GABRB1: variants seen among roughly 807,000 people sequenced by gnomAD.
GABRB1 encodes the protein gamma-aminobutyric acid receptor subunit beta-1.
A neutral mutation model predicts 51.6 loss-of-function variants in GABRB1; 17 were observed. The observed-to-expected ratio is 0.33, with a 90% CI of 0.23 to 0.49. The LOEUF is 0.49. Among genes scored for constraint, GABRB1 ranks in the 20% least tolerant of loss-of-function variants. The probability of loss-of-function intolerance (pLI) is 0.99; values close to 1 mark genes in which losing one functional copy is unlikely to be tolerated. For synonymous variants in GABRB1, 247 were observed against 218.9 expected (o/e 1.13, Z -1.14); for missense variants, 410 against 600.6 (o/e 0.68, Z 3.32).
At chr4:47,148,875 C>T (rs997057984) in intron 3 of GABRB1, among the ~76,000 whole-genome samples, 1 of 151,896 alleles carries the variant, frequency 6.6e-6, no homozygotes, top group African/African-American at 2.4e-5. Context: ...TAATTGCCAT[C>T]CATAAGAAAG....
At chr4:47,380,219 A>G (rs1727545919) in intron 5 of GABRB1, among the ~76,000 whole-genome samples, 1 of 152,232 alleles carries the variant, frequency 6.6e-6, no homozygotes, top group Admixed American at 6.5e-5. Flanking sequence ...TATTTTATGG[A>G]GCATATAACC....
chr4:47,347,239 G>A (rs1237093921), intron 5 of GABRB1, among the ~76,000 whole-genome samples: 1 of 151,896 alleles, frequency 6.6e-6, no homozygotes, highest in African/African-American at 2.4e-5. Context: ...TCGAGATCAC[G>A]CCACTGCACT....
At chr4:47,101,219 A>G (rs958545813) in intron 3 of GABRB1, among the ~76,000 whole-genome samples, 8 of 152,010 alleles carry the variant, frequency 5.3e-5, no homozygotes, top group African/African-American at 1.9e-4. Flanking sequence ...AATGCCCTGT[A>G]AATATTTTTT....
intron 5 of GABRB1, among the ~76,000 whole-genome samples, chr4:47,382,763 G>A (rs937899524): frequency 2.0e-5 from 3 of 152,174 alleles, no homozygotes; most frequent in African/African-American, 7.2e-5. Flanking sequence ...CAGCTCTAAA[G>A]ACCAATTCAT....
At chr4:47,003,322 G>A (rs967593973) in intron 1 of GABRB1, among the ~76,000 whole-genome samples, 10 of 152,152 alleles carry the variant, frequency 6.6e-5, no homozygotes, top group African/African-American at 2.2e-4. Context: ...TTGTAATTCT[G>A]TGGACCGTTT....
At chr4:47,403,535 C>T in intron 6 of GABRB1, 24 bp from the exon 7 acceptor site, 1 of 1,613,602 alleles carries the variant, frequency 6.2e-7, no homozygotes, top group Non-Finnish European at 8.5e-7. Context: ...GGTCTGATTA[C>T]TTGTCTTTTG....
intron 3 of GABRB1, among the ~76,000 whole-genome samples, chr4:47,144,077 A>G (rs1316606416): frequency 6.6e-6 from 1 of 151,980 alleles, no homozygotes; most frequent in Non-Finnish European, 1.5e-5. Flanking sequence ...TAAATTCTGT[A>G]TTGTGCACAG....
At chr4:47,163,831 T>C (rs1718062242) in intron 4 of GABRB1, among the ~76,000 whole-genome samples, 1 of 151,948 alleles carries the variant, frequency 6.6e-6, no homozygotes, top group African/African-American at 2.4e-5. Flanking sequence ...AAAAAAGTGA[T>C]TGGATGAAAC....
intron 8 of GABRB1, among the ~76,000 whole-genome samples, chr4:47,422,512 C>T (rs1729121267): frequency 6.6e-6 from 1 of 152,154 alleles, no homozygotes; most frequent in South Asian, 2.1e-4. Context: ...TATGAGCCTT[C>T]TTCATTCCCC....
At chr4:47,066,370 T>C (rs1461003199) in intron 3 of GABRB1, among the ~76,000 whole-genome samples, 1 of 152,214 alleles carries the variant, frequency 6.6e-6, no homozygotes, top group Non-Finnish European at 1.5e-5. Flanking sequence ...GACAATGGTG[T>C]TTGCTGCAGA....
intron 3 of GABRB1, among the ~76,000 whole-genome samples, chr4:47,038,991 A>C (rs1725714302): frequency 1.3e-5 from 2 of 152,154 alleles, no homozygotes; most frequent in African/African-American, 4.8e-5. Context: ...CAAGCATTTC[A>C]TGAAGTTCCT....
intron 3 of GABRB1, among the ~76,000 whole-genome samples, chr4:47,063,512 C>A (rs943720089): frequency 6.6e-6 from 1 of 152,092 alleles, no homozygotes; most frequent in African/African-American, 2.4e-5. Context: ...ATAAATATAT[C>A]CCACTACACA....
At chr4:47,164,522 A>G (rs543380248) in intron 4 of GABRB1, among the ~76,000 whole-genome samples, 1 of 152,228 alleles carries the variant, frequency 6.6e-6, no homozygotes, top group Non-Finnish European at 1.5e-5. Flanking sequence ...GCTCATAGTC[A>G]TCATGAACGG....
chr4:47,041,338 TA>T (rs1725826381), intron 3 of GABRB1, among the ~76,000 whole-genome samples: 1 of 152,136 alleles, frequency 6.6e-6, no homozygotes, highest in African/African-American at 2.4e-5. Flanking sequence ...GAAATCTATT[TA>T]AGCAGTCTTA....
intron 5 of GABRB1, among the ~76,000 whole-genome samples, chr4:47,355,364 C>T (rs1310276685): frequency 1.3e-5 from 2 of 151,910 alleles, no homozygotes. Flanking sequence ...GCACAATGTG[C>T]AGGTAGTGTC....
chr4:47,136,648 A>T (rs1716670300), intron 3 of GABRB1, among the ~76,000 whole-genome samples: 1 of 152,074 alleles, frequency 6.6e-6, no homozygotes, highest in Admixed American at 6.6e-5. Context: ...AAGTGAATAG[A>T]ATTCACTCTA....
chr4:47,263,210 AT>A (rs1722518149), intron 4 of GABRB1, among the ~76,000 whole-genome samples: 2 of 151,638 alleles, frequency 1.3e-5, no homozygotes, highest in Non-Finnish European at 2.9e-5. Context: ...AAATAAATAA[AT>A]AAATAAATAA....
intron 4 of GABRB1, among the ~76,000 whole-genome samples, chr4:47,226,972 A>T (rs1306854263): frequency 1.3e-5 from 2 of 152,214 alleles, no homozygotes; most frequent in Non-Finnish European, 2.9e-5. Flanking sequence ...ATATTGAGGC[A>T]TTGCTCCCAT....
intron 4 of GABRB1, among the ~76,000 whole-genome samples, chr4:47,217,958 C>A (rs1720618959): frequency 6.6e-6 from 1 of 151,640 alleles, no homozygotes; most frequent in Admixed American, 6.6e-5. Flanking sequence ...ATGTTTCTAC[C>A]CATTAACCAA....
Sources: gnomAD v4.1 joint callset for allele counts (sites outside exome capture counted in the v4.1 genomes callset) on GRCh38, gnomAD v4.1.1 for gene constraint, MANE v1.5 for transcripts, NCBI Gene and HGNC (gene_info 2026-07-23, HGNC 2026-07-21) for gene names.